Variants in MARCHF4 observed in about 807,000 individuals in gnomAD.
The protein encoded by MARCHF4 is membrane associated ring-CH-type finger 4.
A neutral mutation model predicts 43.9 loss-of-function variants in MARCHF4; 14 were observed. The observed-to-expected ratio is 0.32, with a 90% CI of 0.21 to 0.50. The LOEUF is 0.50. Ranked by LOEUF, MARCHF4 falls within the 20% of genes least tolerant of loss-of-function variation. The pLI is 0.98. For missense variants in MARCHF4, 468 were observed against 536.7 expected, an observed-to-expected ratio of 0.87 and a Z score of 1.27; for synonymous variants, 226 against 213.3, an observed-to-expected ratio of 1.06 and a Z score of -0.52.
rs538814191 is a variant in MARCHF4 at position 216,336,717 on chromosome 2, G to A, written c.516+33028C>T. Among the ~76,000 whole-genome samples, 222 of 102,612 alleles carry A rather than the reference G, an allele frequency of 2.2e-3. 1 individual carries two copies. Among genetic ancestry groups the A allele is most frequent in the Non-Finnish European group, 3.2e-3 (163 of 50,256 alleles). 67.3% of individuals were successfully genotyped at this position (102,612 alleles called of 152,430 possible). A position where few individuals can be genotyped will look rare whatever the true frequency, so the allele number is the denominator to read the frequency against. On this transcript the variant is annotated intron_variant, in intron 1 of 3. Coordinates refer to ENST00000273067, the MANE Select transcript of MARCHF4 (RefSeq NM_020814.3). ...ATTCACCCAAAACCACTTCCTCCAT[G>A]GCAAATGGGAAAGGCAAATAGATTT...
In MARCHF4 at chr2:216,335,801, C is replaced by T. The variant is rs532171180; in HGVS notation, c.516+33944G>A. ...TATTAAGGAAAGCCAAGCACAGTGG[C>T]TCATGCCTGTAATCCCAGAACTTTG... On this transcript the variant is annotated intron_variant, in intron 1 of 3. Coordinates refer to ENST00000273067, the MANE Select transcript of MARCHF4 (RefSeq NM_020814.3). Among the ~76,000 whole-genome samples the T allele has an allele frequency of 2.6e-5, 4 of 152,204 alleles. No individual in the cohort carries two copies. In the South Asian group the frequency reaches 6.2e-4, roughly 24 times the overall value.
At chr2:216,264,601 A>G (rs989935796) in intron 3 of MARCHF4, among the ~76,000 whole-genome samples, 64 of 152,244 alleles carry the variant, frequency 4.2e-4, no homozygotes, top group African/African-American at 1.5e-3. Context: ...CTAACACAGC[A>G]CAAGGAGTGT....
chr2:216,366,391 T>G (rs1692665672), intron 1 of MARCHF4, among the ~76,000 whole-genome samples: 1 of 152,182 alleles, frequency 6.6e-6, no homozygotes. Context: ...TACAGTCTCA[T>G]GGGCCCTGAC....
chr2:216,274,559 C>T (rs1231608065), intron 3 of MARCHF4, among the ~76,000 whole-genome samples: 1 of 152,222 alleles, frequency 6.6e-6, no homozygotes, highest in Non-Finnish European at 1.5e-5. Context: ...AAACCACTGT[C>T]ATCACTACTG....
chr2:216,321,285 A>G (rs1309165731), intron 1 of MARCHF4, among the ~76,000 whole-genome samples: 1 of 152,196 alleles, frequency 6.6e-6, no homozygotes, highest in Non-Finnish European at 1.5e-5. Context: ...TGGTAAATAC[A>G]AATAGAATGG....
chr2:216,260,961 C>T (rs1056246060), intron 3 of MARCHF4, among the ~76,000 whole-genome samples: 2 of 152,150 alleles, frequency 1.3e-5, no homozygotes, highest in South Asian at 2.1e-4. Context: ...TGAAGACTTG[C>T]TGACTCGCAG....
At chr2:216,341,360 C>T (rs1248863412) in intron 1 of MARCHF4, among the ~76,000 whole-genome samples, 2 of 152,196 alleles carry the variant, frequency 1.3e-5, no homozygotes, top group African/African-American at 4.8e-5. Flanking sequence ...TAGAAGAGGC[C>T]TGCTTGCCTA....
At chr2:216,338,508 C>T (rs960139823) in intron 1 of MARCHF4, among the ~76,000 whole-genome samples, 3 of 152,178 alleles carry the variant, frequency 2.0e-5, no homozygotes, top group African/African-American at 7.2e-5. Context: ...CCTCAGTGGT[C>T]GCAGTTCCCA....
At chr2:216,337,073 A>C (rs1252182062) in intron 1 of MARCHF4, among the ~76,000 whole-genome samples, 1 of 151,898 alleles carries the variant, frequency 6.6e-6, no homozygotes, top group East Asian at 1.9e-4. Context: ...AATCGCTGGA[A>C]CCTGGGAGAC....
Position 216,277,817 on chromosome 2 carries a change from G to A in MARCHF4, c.720C>T (p.Ala240=), listed in dbSNP as rs920882160. Residue 240 remains alanine (A), a synonymous_variant, in exon 3 of 4, where the codon GCC becomes GCT. Coordinates refer to ENST00000273067, the MANE Select transcript of MARCHF4 (RefSeq NM_020814.3). ...TGAGGAAGAGGGAGCCCAGGATGGC[G>A]GCTGCAACCTGAACCTTCTCAATGA... ...LTVIEKVQVA[A]AILGSLFLIA... is the part of the protein sequence containing the mutation. 6.8e-6 allele frequency: 11 copies of A among 1,614,064 alleles called. No individual in the cohort carries two copies. Among genetic ancestry groups the A allele is most frequent in the East Asian group, 4.5e-5 (2 of 44,882 alleles).
chr2:216,275,943 T>A (rs1181196361), intron 3 of MARCHF4, among the ~76,000 whole-genome samples: 1 of 152,170 alleles, frequency 6.6e-6, no homozygotes, highest in Middle Eastern at 3.2e-3. Context: ...GGTCCCAGCA[T>A]GAGGAGACAC....
chr2:216,268,312 T>C (rs762305528), intron 3 of MARCHF4, among the ~76,000 whole-genome samples: 26 of 152,208 alleles, frequency 1.7e-4, no homozygotes, highest in Non-Finnish European at 2.4e-4. Flanking sequence ...AGGTGATTAG[T>C]AGCCGATATG....
At chr2:216,365,294 C>T (rs1304480662) in intron 1 of MARCHF4, among the ~76,000 whole-genome samples, 1 of 152,218 alleles carries the variant, frequency 6.6e-6, no homozygotes, top group African/African-American at 2.4e-5. Context: ...GGGAAGCCAA[C>T]CCCAGAAAGA....
At chr2:216,303,394 A>T (rs1472697694) in intron 1 of MARCHF4, 1 of 152,228 alleles carries the variant, frequency 6.6e-6, no homozygotes, top group Non-Finnish European at 1.5e-5. Flanking sequence ...ATAACAATTT[A>T]AAGAGATAAT....
chr2:216,334,495 A>G (rs571259642), intron 1 of MARCHF4, among the ~76,000 whole-genome samples: 1 of 152,108 alleles, frequency 6.6e-6, no homozygotes, highest in African/African-American at 2.4e-5. Context: ...CCAACTCCTG[A>G]ACTCAAGTGA....
At chr2:216,359,796 T>C (rs947250913) in intron 1 of MARCHF4, among the ~76,000 whole-genome samples, 1 of 152,246 alleles carries the variant, frequency 6.6e-6, no homozygotes, top group South Asian at 2.1e-4. Context: ...GCAAGAAACC[T>C]GTACTTCTTC....
At chr2:216,263,555 GAAGAAAAAGAAAGAA>G (rs1690788229) in intron 3 of MARCHF4, among the ~76,000 whole-genome samples, 1 of 150,176 alleles carries the variant, frequency 6.7e-6, no homozygotes, top group African/African-American at 2.5e-5. Flanking sequence ...GAGAGAGAAA[GAAGAAAAAGAAAGAA>G]AGAAAGAGAA....
chr2:216,272,131 G>A (rs1690948364), intron 3 of MARCHF4, among the ~76,000 whole-genome samples: 1 of 152,008 alleles, frequency 6.6e-6, no homozygotes, highest in Admixed American at 6.6e-5. Flanking sequence ...CAAGATTACA[G>A]GTATGAGCTA....
At chr2:216,352,547 G>A (rs1233481849) in intron 1 of MARCHF4, among the ~76,000 whole-genome samples, 2 of 152,050 alleles carry the variant, frequency 1.3e-5, no homozygotes, top group African/African-American at 4.8e-5. Flanking sequence ...AATAGAGACA[G>A]GGTCCCACTA....
Sources: allele counts gnomAD v4.1 joint callset (sites outside exome capture counted in the v4.1 genomes callset), GRCh38; gene constraint gnomAD v4.1.1; transcripts MANE v1.5; gene names NCBI Gene and HGNC (gene_info 2026-07-23, HGNC 2026-07-21).